The following PUDP variants were observed in gnomAD, a reference collection of about 807,000 sequenced individuals.
PUDP encodes the protein pseudouridine-5'-phosphatase.
In PUDP, 8 loss-of-function variants were observed where a neutral mutation model predicts 9.4. The observed-to-expected ratio is 0.85, with a 90% confidence interval of 0.50 to 1.53. The LOEUF (loss-of-function observed/expected upper bound fraction) is 1.53, where lower values mean the gene tolerates loss of function less well. PUDP is among the 40% of genes most tolerant of loss of function. PUDP has a pLI of 0.00. For synonymous variants in PUDP, 99 were observed against 80.7 expected (o/e 1.23, Z -1.22); for missense variants, 188 against 189.7 (o/e 0.99, Z 0.05).
intron 2 of PUDP, among the ~76,000 whole-genome samples, chrX:7,093,815 C>T (rs1186765938): frequency 3.6e-5 from 4 of 111,957 alleles, no homozygotes; most frequent in African/African-American, 1.3e-4. Flanking sequence ...CATTTAGAAA[C>T]AGAAACTGGG....
intron 3 of PUDP, among the ~76,000 whole-genome samples, chrX:6,876,376 G>A (rs1278503464): frequency 3.6e-5 from 4 of 111,027 alleles, no homozygotes; most frequent in African/African-American, 9.8e-5. Context: ...GGTTTAGCAG[G>A]CTGTAATTCC....
chrX:7,067,649 G>A (rs1255476348), intron 3 of PUDP, among the ~76,000 whole-genome samples: 1 of 111,778 alleles, frequency 8.9e-6, no homozygotes, highest in Non-Finnish European at 1.9e-5. Flanking sequence ...CAAGGATCAC[G>A]AGACTAAGTG....
At chrX:7,023,022 C>A (rs183188040) in intron 1 of PUDP, among the ~76,000 whole-genome samples, 1 of 111,359 alleles carries the variant, frequency 9.0e-6, no homozygotes, top group Non-Finnish European at 1.9e-5. Flanking sequence ...GGTGCTCACA[C>A]AGGGCTGGAA....
chrX:6,865,846 G>A (rs1927071770), intron 3 of PUDP, among the ~76,000 whole-genome samples: 1 of 111,422 alleles, frequency 9.0e-6, no homozygotes, highest in African/African-American at 3.3e-5. Context: ...ATAGCTCACA[G>A]TAAAATAGGA....
At position 6,968,273 on chromosome X, in the gene PUDP, G is replaced by A. The variant is rs935116527; in HGVS notation, c.*247+8860C>T. ...CCATCCGTGTAGTACACAGTGGATA[G>A]AAATAAGGTGGGATGCAGAGACGCA... On this transcript the variant is annotated intron_variant and NMD_transcript_variant, in intron 3 of 3. Transcript: ENST00000655425. Among the ~76,000 whole-genome samples the A allele has an allele frequency of 2.7e-5, 3 of 112,380 alleles. No homozygotes were observed. In the Admixed American group the frequency reaches 2.8e-4, roughly 11 times the overall value.
At chrX:6,903,990 C>T (rs1569120436) in intron 3 of PUDP, among the ~76,000 whole-genome samples, 1 of 105,118 alleles carries the variant, frequency 9.5e-6, no homozygotes, top group Non-Finnish European at 2.0e-5. Flanking sequence ...CTCACTCCAT[C>T]GCCCAGGCTG....
At chrX:6,758,510 TG>T (rs1022102420) in intron 3 of PUDP, among the ~76,000 whole-genome samples, 4 of 111,722 alleles carry the variant, frequency 3.6e-5, no homozygotes, top group African/African-American at 1.3e-4. Flanking sequence ...AGCTCATCCT[TG>T]GCTCAGTTAG....
chrX:6,982,173 C>A (rs904266334), intron 1 of PUDP, among the ~76,000 whole-genome samples: 3 of 111,474 alleles, frequency 2.7e-5, no homozygotes, highest in African/African-American at 9.8e-5. Flanking sequence ...CGGAGCCACA[C>A]ACACACACAC....
chrX:7,008,929 T>A (rs1429469860), intron 1 of PUDP, among the ~76,000 whole-genome samples: 1 of 112,392 alleles, frequency 8.9e-6, no homozygotes, highest in African/African-American at 3.2e-5. Context: ...AATTTACTAC[T>A]TAACTATTTA....
intron 3 of PUDP, among the ~76,000 whole-genome samples, chrX:7,073,119 C>T (rs1430719586): frequency 2.7e-5 from 3 of 111,835 alleles, no homozygotes; most frequent in Admixed American, 9.5e-5. Flanking sequence ...CTGCCTGGCA[C>T]ACAGTGGGCG....
chrX:7,144,323 C>T (rs1477816879), intron 1 of PUDP, among the ~76,000 whole-genome samples: 4 of 112,322 alleles, frequency 3.6e-5, no homozygotes, highest in African/African-American at 1.3e-4. Context: ...TGACAATCCA[C>T]CTAGGGCATG....
At chrX:7,006,281 T>C (rs1197200060) in intron 1 of PUDP, among the ~76,000 whole-genome samples, 1 of 112,286 alleles carries the variant, frequency 8.9e-6, no homozygotes, top group Non-Finnish European at 1.9e-5. Flanking sequence ...GGCTGCACCA[T>C]TTTAATTCTT....
intron 3 of PUDP, among the ~76,000 whole-genome samples, chrX:6,883,861 G>A (rs994446616): frequency 3.1e-4 from 34 of 110,810 alleles, no homozygotes; most frequent in Non-Finnish European, 6.0e-4. Flanking sequence ...TTTTTTTTGA[G>A]ACGGAGTCTC....
At chrX:6,913,298 C>T (rs1927875749) in intron 3 of PUDP, among the ~76,000 whole-genome samples, 1 of 111,975 alleles carries the variant, frequency 8.9e-6, no homozygotes, top group African/African-American at 3.2e-5. Flanking sequence ...TTAGCATCTG[C>T]ATTAGATAAC....
chrX:6,841,721 T>C (rs1264848643), intron 3 of PUDP, among the ~76,000 whole-genome samples: 4 of 112,606 alleles, frequency 3.6e-5, no homozygotes, highest in Non-Finnish European at 7.5e-5. Context: ...AATCCACAGT[T>C]AAAGATGACT....
chrX:6,989,544 T>C (rs895088776), intron 1 of PUDP: 53 of 147,167 alleles, frequency 3.6e-4, no homozygotes, highest in African/African-American at 1.6e-3. Context: ...TGAGATTTCA[T>C]GGTGGTGCTA....
chrX:6,714,086 T>C (rs1440838893), intron 1 of PUDP, among the ~76,000 whole-genome samples: 8 of 110,703 alleles, frequency 7.2e-5, no homozygotes, highest in Non-Finnish European at 1.9e-5. Flanking sequence ...GAAACAGGGT[T>C]TTACTATGTT....
At position 6,775,748 on chromosome X, in the gene PUDP, C is replaced by T. The variant is rs188422714; in HGVS notation, c.*248-69282G>A. On this transcript the variant is annotated intron_variant and NMD_transcript_variant, in intron 3 of 3. Transcript: ENST00000655425. ...AGCCCTTATGAATGGAATTAGTGTC[C>T]TTATGAAAAAGGCCCCAGAGAGCTC... Among the ~76,000 whole-genome samples the T allele has an allele frequency of 1.1e-3, 122 of 110,510 alleles. No individual in the cohort carries two copies. In the East Asian group the frequency reaches 0.018, roughly 16 times the overall value.
chrX:6,840,187 T>C (rs1452274141), intron 3 of PUDP, among the ~76,000 whole-genome samples: 1 of 111,910 alleles, frequency 8.9e-6, no homozygotes, highest in South Asian at 3.7e-4. Flanking sequence ...CCTTTTGCTT[T>C]GCTCTCATTC....
Sources: gnomAD v4.1 joint callset for allele counts (sites outside exome capture counted in the v4.1 genomes callset) on GRCh38, gnomAD v4.1.1 for gene constraint, MANE v1.5 for transcripts, NCBI Gene and HGNC (gene_info 2026-07-23, HGNC 2026-07-21) for gene names.